CILP2: variants seen among roughly 807,000 people sequenced by gnomAD.
CILP2 encodes CILP-2.
A neutral mutation model predicts 45.6 loss-of-function variants in CILP2; 38 were observed. That is an observed-to-expected ratio of 0.83 (90% CI 0.64 to 1.09). The LOEUF (loss-of-function observed/expected upper bound fraction) is 1.09, where lower values mean the gene tolerates loss of function less well. CILP2 is among the 50% of genes least tolerant of loss of function. The pLI, the probability that CILP2 is intolerant of heterozygous loss-of-function variation, is 0.00. For synonymous variants in CILP2, 780 were observed against 723.5 expected, an observed-to-expected ratio of 1.08 and a Z score of -1.25; for missense variants, 1,735 against 1,662.2, an observed-to-expected ratio of 1.04 and a Z score of -0.76.
In CILP2 at chr19:19,540,439, C is replaced by T; in HGVS notation, c.399C>T (p.Arg133=). The part of the protein sequence containing the change: ...CLNREQPRGR[R]CSNYHVRFRC... ...ACCGCGAGCAACCGCGTGGCCGCCG[C>T]TGCTCCAACTACCACGTGCGCTTCC... Residue 133 remains arginine (R), a synonymous_variant, in exon 3 of 8, where the codon CGC becomes CGT. Transcript: ENST00000291495. The T allele has an allele frequency of 6.8e-7, 1 of 1,468,262 alleles. No homozygotes were observed. Among genetic ancestry groups the T allele is most frequent in the East Asian group, 2.7e-5 (1 of 37,392 alleles). The allele number at this position is 1,468,262 out of a possible 1,614,324, so 91.0% of individuals were successfully genotyped here. A position where few individuals can be genotyped will look rare whatever the true frequency, so the allele number is the denominator to read the frequency against.
chr19:19,545,698 C>G lies in CILP2; in HGVS notation c.3153C>G (p.Pro1051=), dbSNP rs548369692. 6.2e-7 allele frequency: 1 copy of G among 1,612,740 alleles called. No homozygotes were observed. The highest frequency in any genetic ancestry group is 1.1e-5 in the South Asian group (1 of 90,970). The change falls in exon 8 of 8, where the codon CCC becomes CCG. Residue 1051 remains proline, a synonymous_variant. Coordinates refer to ENST00000291495, the MANE Select transcript of CILP2 (RefSeq NM_153221.2). The stretch of plus-strand genomic sequence containing the variant: ...CAGCTGCCTTCTCCATGCTGGCCCC[C>G]CTAGACCCTCTGGGCCACAACTATG... ...EDPAAFSMLA[P]LDPLGHNYGV... is the part of the protein sequence containing the mutation.
In CILP2 at chr19:19,543,997, C is replaced by T. The variant is rs1245213821; in HGVS notation, c.1452C>T (p.Ser484=). The T allele has an allele frequency of 1.9e-6, 3 of 1,613,116 alleles. No individual in the cohort carries two copies. The highest frequency in any genetic ancestry group is 1.7e-6 in the Non-Finnish European group (2 of 1,179,752). ...LVRGRVVAAD[S]GEPLRFARIL... Reference sequence around the variant, plus strand: ...GGGGCCGTGTTGTGGCTGCTGACTCCGGGGAGCCGCTACGCTTCGCCAGGA... The same window carrying T: ...GGGGCCGTGTTGTGGCTGCTGACTCTGGGGAGCCGCTACGCTTCGCCAGGA... The change falls in exon 8 of 8, where the codon TCC becomes TCT. Residue 484 remains serine (S), a synonymous_variant. Coordinates refer to ENST00000291495, the MANE Select transcript of CILP2 (RefSeq NM_153221.2).
At position 19,540,346 on chromosome 19, in the gene CILP2, C is replaced by A; in HGVS notation, c.306C>A (p.Asp102Glu). ...RPLALEARTT[D>E]WALPSAVGER... The stretch of plus-strand genomic sequence containing the variant: ...TGGCGCTGGAAGCGCGCACCACGGA[C>A]TGGGCCCTGCCGTCCGCCGTCGGCG... Residue 102 changes from aspartate (D) to glutamate (E), a missense_variant, in exon 3 of 8, where the codon GAC (aspartate) becomes GAA (glutamate). Coordinates refer to ENST00000291495, the MANE Select transcript of CILP2 (RefSeq NM_153221.2). The A allele has an allele frequency of 6.4e-7, 1 of 1,559,252 alleles. No homozygotes were observed. Among genetic ancestry groups the A allele is most frequent in the Non-Finnish European group, 8.6e-7 (1 of 1,157,620 alleles).
chr19:19,541,538 T>G (rs1465373899), intron 4 of CILP2, among the ~76,000 whole-genome samples: 1 of 152,162 alleles, frequency 6.6e-6, no homozygotes, highest in Non-Finnish European at 1.5e-5. Flanking sequence ...CTGGTAACTA[T>G]GCACATCTGG....
chr19:19,540,170 G>C, intron 2 of CILP2, 34 bp from the exon 3 acceptor site: 4 of 1,522,580 alleles, frequency 2.6e-6, no homozygotes, highest in Non-Finnish European at 3.5e-6. Context: ...CCTACAGGCC[G>C]CCGCCCTGGT....
At position 19,545,515 on chromosome 19, in the gene CILP2, C is replaced by A; in HGVS notation, c.2970C>A (p.Cys990Ter). ...DPERPGTSAA[C>*]VEFKCSGMLF... The stretch of plus-strand genomic sequence containing the variant: ...AGCGTCCGGGCACCTCGGCAGCCTG[C>A]GTGGAGTTCAAGTGCAGCGGGATGC... The change falls in exon 8 of 8, where the codon TGC (cysteine) becomes TGA (stop). Residue 990 changes from cysteine to a stop codon, truncating the protein, a stop_gained. Coordinates refer to ENST00000291495, the MANE Select transcript of CILP2 (RefSeq NM_153221.2). LOFTEE classifies it low-confidence loss of function (END_TRUNC). The A allele has an allele frequency of 1.9e-6, 3 of 1,612,544 alleles. No homozygotes were observed. Among genetic ancestry groups the A allele is most frequent in the Non-Finnish European group, 1.7e-6 (2 of 1,179,812 alleles).
chr19:19,546,099 G>A lies in CILP2; in HGVS notation c.*83G>A. 1 of 1,192,556 alleles carries A rather than the reference G, an allele frequency of 8.4e-7. No individual in the cohort carries two copies. The highest frequency in any genetic ancestry group is 2.2e-5 in the South Asian group (1 of 45,868). The allele number at this position is 1,192,556 out of a possible 1,614,324, so 73.9% of individuals were successfully genotyped here. On this transcript the variant is annotated 3_prime_UTR_variant, in exon 8 of 8. Transcript: ENST00000291495. ...TTTGCCCCTCCTTCTTCTCCAGACAGCCCCCTCCCCAGGTGTCTGGGTCCC... is the reference window on the plus strand; with the variant it reads ...TTTGCCCCTCCTTCTTCTCCAGACAACCCCCTCCCCAGGTGTCTGGGTCCC...
rs1179040614 is a variant in CILP2 at position 19,544,111 on chromosome 19, G to T, written c.1566G>T (p.Val522=). 6.2e-7 allele frequency: 1 copy of T among 1,613,838 alleles called. No individual in the cohort carries two copies. The highest frequency in any genetic ancestry group is 8.5e-7 in the Non-Finnish European group (1 of 1,180,034). The part of the protein sequence containing the change: ...EVPPSTQRLV[V]TFVDPSGEFM... ...CGCCCTCCACCCAGCGGCTGGTGGT[G>T]ACTTTTGTGGACCCCAGCGGTGAGT... The change falls in exon 8 of 8, where the codon GTG becomes GTT. Residue 522 remains valine (V), a synonymous_variant. Transcript: ENST00000291495.
In CILP2 at chr19:19,545,362, C is replaced by T; in HGVS notation, c.2817C>T (p.Cys939=). The part of the protein sequence containing the change: ...WWPNPQEFRA[C]FLKVKIQGPQ... ...CCAACCCGCAGGAGTTCCGGGCCTG[C>T]TTCCTCAAGGTGAAGATCCAGGGTC... The change falls in exon 8 of 8, where the codon TGC becomes TGT. Residue 939 remains cysteine, a synonymous_variant. Transcript: ENST00000291495. 6.8e-6 allele frequency: 11 copies of T among 1,612,468 alleles called. No individual in the cohort carries two copies. Among genetic ancestry groups the T allele is most frequent in the Non-Finnish European group, 9.3e-6 (11 of 1,179,752 alleles).
Position 19,540,203 on chromosome 19 carries a change from G to C in CILP2, c.164-1G>C. The C allele has an allele frequency of 6.3e-7, 1 of 1,583,320 alleles. No individual in the cohort carries two copies. The highest frequency in any genetic ancestry group is 8.6e-7 in the Non-Finnish European group (1 of 1,168,194). On this transcript the variant is annotated splice_acceptor_variant, in intron 2 of 7. Transcript: ENST00000291495. LOFTEE classifies it high-confidence loss of function. ...GGTCCCAGCGCGTGCGGTGCCCGCA[G>C]AGGCCAGCGAGTGGACGTCCTGGTT...
chr19:19,544,985 G>T lies in CILP2; in HGVS notation c.2440G>T (p.Gly814Cys). The stretch of plus-strand genomic sequence containing the variant: ...CACCGCCCTGGTCACCGCCACCCTG[G>T]GCGGCGAGGAGCTGGAGCCGGCCCC... ...AYTALVTATL[G>C]GEELEPAPSL... Residue 814 changes from glycine to cysteine, a missense_variant, in exon 8 of 8, where the codon GGC (glycine) becomes TGC (cysteine). Coordinates refer to ENST00000291495, the MANE Select transcript of CILP2 (RefSeq NM_153221.2). 1 of 1,597,940 alleles carries T rather than the reference G, an allele frequency of 6.3e-7. No homozygotes were observed. The highest frequency in any genetic ancestry group is 1.7e-4 in the Middle Eastern group (1 of 5,980).
rs1321698657 is a variant in CILP2, at chr19:19,544,912, T to C, written c.2367T>C (p.Asn789=). 6.3e-7 allele frequency: 1 copy of C among 1,589,800 alleles called. No homozygotes were observed. Among genetic ancestry groups the C allele is most frequent in the African/African-American group, 1.3e-5 (1 of 74,456 alleles). The change falls in exon 8 of 8, where the codon AAT becomes AAC. Residue 789 remains asparagine (N), a synonymous_variant. Transcript: ENST00000291495. Reference sequence around the variant, plus strand: ...TTGACAGCGCGGTCACCGGCCCCAATGGCGCCTGCCTCCCCGCCTTCTGCG... The same window carrying C: ...TTGACAGCGCGGTCACCGGCCCCAACGGCGCCTGCCTCCCCGCCTTCTGCG... The part of the protein sequence containing the change: ...GRFDSAVTGP[N]GACLPAFCDA...
Position 19,545,608 on chromosome 19 carries a change from GGCC to G in CILP2, c.3065_3067del (p.Ala1022del). The G allele has an allele frequency of 6.2e-7, 1 of 1,608,562 alleles. No homozygotes were observed. Among genetic ancestry groups the G allele is most frequent in the Non-Finnish European group, 8.5e-7 (1 of 1,177,264 alleles). ...TGCCCCAGGGCAGCTGCCGGCGCGT[GGCC>G]GTCAACGGACTCCTTCGGGATTACC... On this transcript the variant is annotated inframe_deletion, in exon 8 of 8. Coordinates refer to ENST00000291495, the MANE Select transcript of CILP2 (RefSeq NM_153221.2).
At chr19:19,543,123 G>A in intron 6 of CILP2, 125 bp from the exon 7 acceptor site, 1 of 1,109,416 alleles carries the variant, frequency 9.0e-7, no homozygotes, top group Non-Finnish European at 1.3e-6. Context: ...GAGGCTGAAT[G>A]GGGCCAGTCT....
In CILP2 at chr19:19,544,897, G is replaced by A. The variant is rs1344461243; in HGVS notation, c.2352G>A (p.Ala784=). The change falls in exon 8 of 8, where the codon GCG becomes GCA. Residue 784 remains alanine (A), a synonymous_variant. Transcript: ENST00000291495. ...NPRAWGRFDS[A]VTGPNGACLP... ...GTGCCTGGGGCCGCTTTGACAGCGC[G>A]GTCACCGGCCCCAATGGCGCCTGCC... is the stretch of plus-strand genomic sequence containing the variant. 1 of 1,589,268 alleles carries A rather than the reference G, an allele frequency of 6.3e-7. No homozygotes were observed. Among genetic ancestry groups the A allele is most frequent in the Non-Finnish European group, 8.5e-7 (1 of 1,175,562 alleles).
In CILP2 at chr19:19,544,502, G is replaced by A. The variant is rs143050305; in HGVS notation, c.1957G>A (p.Ala653Thr). 3 of 1,601,826 alleles carry A rather than the reference G, an allele frequency of 1.9e-6. No homozygotes were observed. Among genetic ancestry groups the A allele is most frequent in the East Asian group, 4.5e-5 (2 of 44,790 alleles). Residue 653 changes from alanine to threonine, a missense_variant, in exon 8 of 8, where the codon GCG (alanine) becomes ACG (threonine). Coordinates refer to ENST00000291495, the MANE Select transcript of CILP2 (RefSeq NM_153221.2). Reference protein sequence around the residue: ...FSVDLRAPGSAEQLQVGPVAV... With the variant: ...FSVDLRAPGSTEQLQVGPVAV... ...CGTGGACCTCCGTGCGCCCGGCTCC[G>A]CGGAGCAGCTGCAGGTGGGGCCGGT...
Position 19,544,461 on chromosome 19 carries a change from C to G in CILP2, c.1916C>G (p.Thr639Ser), listed in dbSNP as rs745701491. 1.1e-5 allele frequency: 18 copies of G among 1,608,896 alleles called. No individual in the cohort carries two copies. The South Asian group carries it at 1.9e-4, about 17-fold the overall frequency. The change falls in exon 8 of 8, where the codon ACC becomes AGC. Residue 639 changes from threonine to serine, a missense_variant. Physicochemically the swap from Thr to Ser is moderately conservative, Grantham distance 58. Transcript: ENST00000291495. ...GACGGCGAGCTGGCTCCACTGCGCA[C>G]CTACGGCATGTTCTCCGTGGACCTC... ...DSDGELAPLR[T>S]YGMFSVDLRA...
rs768586017 is a variant in CILP2 at position 19,544,361 on chromosome 19, C to T, written c.1816C>T (p.Arg606Trp). The T allele has an allele frequency of 1.8e-5, 29 of 1,608,758 alleles. No individual in the cohort carries two copies. The highest frequency in any genetic ancestry group is 9.9e-5 in the South Asian group (9 of 90,896). The change falls in exon 8 of 8, where the codon CGG becomes TGG. Residue 606 changes from arginine to tryptophan, a missense_variant. Arg to Trp is a moderately radical substitution (Grantham distance 101). Coordinates refer to ENST00000291495, the MANE Select transcript of CILP2 (RefSeq NM_153221.2). Reference sequence around the variant, plus strand: ...ACCCTACTCGGGGCCTGTGGAGGCCCGGGTGACGTTCGTGGACCCCCGAGA... The same window carrying T: ...ACCCTACTCGGGGCCTGTGGAGGCCTGGGTGACGTTCGTGGACCCCCGAGA... ...GKPYSGPVEA[R>W]VTFVDPRDLT...
In CILP2 at chr19:19,545,438, A is replaced by G. The variant is rs1433741595; in HGVS notation, c.2893A>G (p.Thr965Ala). Reference sequence around the variant, plus strand: ...CAACGCAGGGGGCAGCCACCCACGCACCCGCGGCCAGCTCTACGGACTTCG... The same window carrying G: ...CAACGCAGGGGGCAGCCACCCACGCGCCCGCGGCCAGCTCTACGGACTTCG... ...SHNAGGSHPR[T>A]RGQLYGLRDA... is the part of the protein sequence containing the mutation. Residue 965 changes from threonine (T) to alanine (A), a missense_variant, in exon 8 of 8, where the codon ACC (threonine) becomes GCC (alanine). Coordinates refer to ENST00000291495, the MANE Select transcript of CILP2 (RefSeq NM_153221.2). The G allele has an allele frequency of 1.9e-6, 3 of 1,612,286 alleles. No individual in the cohort carries two copies. The highest frequency in any genetic ancestry group is 2.2e-5 in the South Asian group (2 of 91,036).
Sources: gnomAD v4.1 joint callset for allele counts (sites outside exome capture counted in the v4.1 genomes callset) on GRCh38, gnomAD v4.1.1 for gene constraint, MANE v1.5 for transcripts, NCBI Gene and HGNC (gene_info 2026-07-23, HGNC 2026-07-21) for gene names.